TMTC2: variants seen among roughly 807,000 people sequenced by gnomAD.
TMTC2 encodes protein O-mannosyl-transferase TMTC2.
In TMTC2, 43 loss-of-function variants were observed where a neutral mutation model predicts 82.4. That is an observed-to-expected ratio of 0.52 (90% CI 0.41 to 0.67). TMTC2 has a LOEUF of 0.67. TMTC2 is among the 30% of genes least tolerant of loss of function. TMTC2 has a pLI of 0.00. For synonymous variants in TMTC2, 408 were observed against 381.9 expected (o/e 1.07, Z -0.80); for missense variants, 919 against 1,012.4 (o/e 0.91, Z 1.25).
chr12:82,926,679 A>G (rs1875737437), intron 3 of TMTC2, among the ~76,000 whole-genome samples: 1 of 152,194 alleles, frequency 6.6e-6, no homozygotes. Flanking sequence ...TCATATTTTC[A>G]AAGGACAGGC....
intron 7 of TMTC2, among the ~76,000 whole-genome samples, chr12:82,971,268 A>G (rs1274314519): frequency 1.3e-5 from 2 of 152,090 alleles, no homozygotes; most frequent in Non-Finnish European, 2.9e-5. Context: ...TACCTAAACT[A>G]TCATATTTTT....
intron 1 of TMTC2, among the ~76,000 whole-genome samples, chr12:82,730,711 G>C (rs1874751955): frequency 6.6e-6 from 1 of 152,174 alleles, no homozygotes; most frequent in South Asian, 2.1e-4. Context: ...TGAGAAAATA[G>C]GTTTGATGGA....
At chr12:82,880,104 A>T (rs1872751474) in intron 2 of TMTC2, among the ~76,000 whole-genome samples, 1 of 152,210 alleles carries the variant, frequency 6.6e-6, no homozygotes, top group South Asian at 2.1e-4. Flanking sequence ...AGCAAGACAC[A>T]TGGGTTGATT....
chr12:83,130,986 T>C (rs12826890), intron 11 of TMTC2, among the ~76,000 whole-genome samples: 16,269 of 152,202 alleles, frequency 0.11, 960 homozygotes, highest in South Asian at 0.14. Context: ...GCATTGCTTT[T>C]GGTTCAGAAA....
At chr12:82,937,245 T>G (rs1876367314) in intron 4 of TMTC2, among the ~76,000 whole-genome samples, 2 of 152,330 alleles carry the variant, frequency 1.3e-5, no homozygotes, top group African/African-American at 4.8e-5. Flanking sequence ...GGCAGGGCCA[T>G]GCTCCCTCTG....
At chr12:82,808,175 A>T (rs1879329259) in intron 1 of TMTC2, among the ~76,000 whole-genome samples, 4 of 152,010 alleles carry the variant, frequency 2.6e-5, no homozygotes, top group Admixed American at 2.0e-4. Flanking sequence ...CCAAAATGTC[A>T]TTAAAATTAC....
chr12:82,740,964 T>C (rs1446439424), intron 1 of TMTC2, among the ~76,000 whole-genome samples: 2 of 152,208 alleles, frequency 1.3e-5, no homozygotes, highest in Non-Finnish European at 1.5e-5. Flanking sequence ...TTGAGCTTTC[T>C]CTGTCTTGAT....
At chr12:82,965,478 A>G (rs1334039039) in intron 5 of TMTC2, 82 bp from the exon 6 acceptor site, 3 of 1,495,206 alleles carry the variant, frequency 2.0e-6, no homozygotes, top group African/African-American at 1.4e-5. Context: ...AACCATAGAA[A>G]CCAAATTGAA....
At chr12:82,816,831 T>A (rs1350844135) in intron 1 of TMTC2, among the ~76,000 whole-genome samples, 1 of 152,078 alleles carries the variant, frequency 6.6e-6, no homozygotes, top group Non-Finnish European at 1.5e-5. Context: ...GGATAAAATT[T>A]GTGTAAGCAA....
At position 82,767,492 on chromosome 12, in the gene TMTC2, T is replaced by G. The variant is rs369233683; in HGVS notation, c.83+79823T>G. Among the ~76,000 whole-genome samples the G allele has an allele frequency of 2.6e-5, 4 of 152,066 alleles. No homozygotes were observed. In the South Asian group the frequency reaches 8.3e-4, roughly 32 times the overall value. ...ATCCCAGCTACTTGGGAGGCTGAGG[T>G]GGGAGGATCACTTGACCCAGGAAGT... On this transcript the variant is annotated intron_variant, in intron 1 of 11. Transcript: ENST00000321196.
At chr12:82,735,969 TCACACACACA>T (rs148485109) in intron 1 of TMTC2, among the ~76,000 whole-genome samples, 166 of 145,948 alleles carry the variant, frequency 1.1e-3, no homozygotes, top group Non-Finnish European at 1.4e-3. Context: ...CGAGACTCCG[TCACACACACA>T]CACACACACA....
chr12:82,760,596 G>A (rs1876567512), intron 1 of TMTC2, among the ~76,000 whole-genome samples: 1 of 151,434 alleles, frequency 6.6e-6, no homozygotes, highest in African/African-American at 2.4e-5. Context: ...TAACCCCCAG[G>A]TCATGGACCA....
chr12:82,730,332 T>C (rs1449270726), intron 1 of TMTC2, among the ~76,000 whole-genome samples: 2 of 138,374 alleles, frequency 1.4e-5, no homozygotes, highest in Non-Finnish European at 3.1e-5. Flanking sequence ...CCCTACCTCA[T>C]CCACTCCCTA....
chr12:82,903,102 C>T (rs1301858869), intron 3 of TMTC2, among the ~76,000 whole-genome samples: 5 of 152,126 alleles, frequency 3.3e-5, no homozygotes, highest in Non-Finnish European at 7.3e-5. Flanking sequence ...TTGCTTCTTC[C>T]TGCAATGTGT....
At chr12:82,699,066 G>A (rs1872948666) in intron 1 of TMTC2, among the ~76,000 whole-genome samples, 1 of 152,128 alleles carries the variant, frequency 6.6e-6, no homozygotes, top group Non-Finnish European at 1.5e-5. Context: ...GGATAAGGGG[G>A]TCTACTGTAT....
intron 1 of TMTC2, among the ~76,000 whole-genome samples, chr12:82,851,050 C>G (rs58755706): frequency 6.6e-6 from 1 of 151,526 alleles, no homozygotes; most frequent in Non-Finnish European, 1.5e-5. Flanking sequence ...AGTGACAGAG[C>G]GAGACTCCAT....
intron 9 of TMTC2, among the ~76,000 whole-genome samples, chr12:83,036,693 T>C (rs765939393): frequency 2.6e-5 from 4 of 152,184 alleles, no homozygotes; most frequent in African/African-American, 4.8e-5. Flanking sequence ...TCTGTTTTTC[T>C]CTAGGATGGT....
intron 1 of TMTC2, among the ~76,000 whole-genome samples, chr12:82,818,059 C>G (rs1476295968): frequency 2.0e-5 from 3 of 152,022 alleles, no homozygotes; most frequent in Non-Finnish European, 4.4e-5. Context: ...GTTCTTTCCC[C>G]CTGTATCTTA....
At chr12:82,736,394 T>C (rs141393042) in intron 1 of TMTC2, among the ~76,000 whole-genome samples, 216 of 152,316 alleles carry the variant, frequency 1.4e-3, no homozygotes, top group African/African-American at 4.5e-3. Context: ...CTTCCAGTAT[T>C]AGTAAAGTCC....
Sources: allele counts gnomAD v4.1 joint callset (sites outside exome capture counted in the v4.1 genomes callset), GRCh38; gene constraint gnomAD v4.1.1; transcripts MANE v1.5; gene names NCBI Gene and HGNC (gene_info 2026-07-23, HGNC 2026-07-21).